Variants in CDK5RAP2 observed in about 807,000 individuals in gnomAD.
The protein encoded by CDK5RAP2 is CDK5 regulatory subunit-associated protein 2.
CDK5RAP2 carries 147 observed loss-of-function variants against 232.9 expected under a neutral mutation model. The observed-to-expected ratio is 0.63, with a 90% CI of 0.55 to 0.72. The LOEUF (loss-of-function observed/expected upper bound fraction) is 0.72. Among genes scored for constraint, CDK5RAP2 ranks in the 30% least tolerant of loss-of-function variants. The pLI is 0.00. For missense variants in CDK5RAP2, 2,195 were observed against 2,231.5 expected (o/e 0.98, Z 0.33); for synonymous variants, 833 against 833.7 (o/e 1.00, Z 0.01).
intron 5 of CDK5RAP2, among the ~76,000 whole-genome samples, chr9:120,540,850 T>TGAG (rs1485224127): frequency 6.6e-6 from 1 of 152,240 alleles, no homozygotes; most frequent in Non-Finnish European, 1.5e-5. Context: ...CACACAGCAC[T>TGAG]GGCTCCTGCT....
At chr9:120,460,870 C>G in intron 18 of CDK5RAP2, 2 of 753,568 alleles carry the variant, frequency 2.7e-6, no homozygotes, top group Admixed American at 5.4e-5. Flanking sequence ...ACACAGCTGC[C>G]TGGATCAAGC....
chr9:120,518,206 T>TGAGACA (rs1168760869), intron 12 of CDK5RAP2, among the ~76,000 whole-genome samples: 1 of 108,934 alleles, frequency 9.2e-6, no homozygotes, highest in African/African-American at 3.9e-5. Flanking sequence ...TGTGTGTGTG[T>TGAGACA]GTGTGAGAGA....
chr9:120,474,609 G>A (rs890273316), intron 15 of CDK5RAP2, among the ~76,000 whole-genome samples: 2 of 152,184 alleles, frequency 1.3e-5, no homozygotes, highest in Non-Finnish European at 2.9e-5. Flanking sequence ...GAGCCAAGAC[G>A]ACCTAAGCAC....
chr9:120,411,420 T>A lies in CDK5RAP2; in HGVS notation c.4352A>T (p.Glu1451Val). 6.2e-7 allele frequency: 1 copy of A among 1,613,750 alleles called. No individual in the cohort carries two copies. The highest frequency in any genetic ancestry group is 8.5e-7 in the Non-Finnish European group (1 of 1,179,656). The change falls in exon 29 of 38, where the codon GAA (glutamate) becomes GTA (valine). Residue 1451 changes from glutamate to valine, a missense_variant. Glu to Val is a moderately radical substitution (Grantham distance 121, BLOSUM62 -2). Coordinates refer to ENST00000349780, the MANE Select transcript of CDK5RAP2 (RefSeq NM_018249.6). The stretch of plus-strand genomic sequence containing the variant: ...GTTCTGCTTCCTCAAGAAATGAATT[T>A]CTGATGTTAGAGAACTATGAAGCTC... ...GSELHSSLTS[E>V]IHFLRKQNQA...
At chr9:120,571,153 G>A (rs1195053956) in intron 2 of CDK5RAP2, among the ~76,000 whole-genome samples, 1 of 152,180 alleles carries the variant, frequency 6.6e-6, no homozygotes. Context: ...ACAAGACCAT[G>A]TCTCAAAAAA....
At chr9:120,477,269 T>C (rs1293693936) in intron 15 of CDK5RAP2, 81 bp downstream of exon 15, 7 of 1,040,860 alleles carry the variant, frequency 6.7e-6, no homozygotes, top group Non-Finnish European at 1.1e-5. Context: ...TCAGCACTGA[T>C]TGAAAGGGTG....
intron 4 of CDK5RAP2, among the ~76,000 whole-genome samples, chr9:120,546,803 G>A (rs559803330): frequency 1.1e-4 from 16 of 151,752 alleles, no homozygotes; most frequent in African/African-American, 2.7e-4. Flanking sequence ...CCGTCTTTTC[G>A]TTTGTTTGTT....
chr9:120,557,758 CA>C (rs1211251661), intron 3 of CDK5RAP2, among the ~76,000 whole-genome samples: 1 of 129,630 alleles, frequency 7.7e-6, no homozygotes. Context: ...GACCCTCTGT[CA>C]AAAAAAAACT....
At chr9:120,556,259 A>C (rs575398455) in intron 3 of CDK5RAP2, among the ~76,000 whole-genome samples, 18 of 152,334 alleles carry the variant, frequency 1.2e-4, no homozygotes, top group Admixed American at 6.5e-4. Context: ...TATTTTATGT[A>C]AATTATATCT....
At chr9:120,502,975 T>C (rs957101919) in intron 12 of CDK5RAP2, among the ~76,000 whole-genome samples, 1 of 152,176 alleles carries the variant, frequency 6.6e-6, no homozygotes, top group Admixed American at 6.5e-5. Flanking sequence ...GTATTATTAG[T>C]CCTGTTTTTA....
chr9:120,563,319 G>A (rs1017535827), intron 3 of CDK5RAP2, among the ~76,000 whole-genome samples: 6 of 152,154 alleles, frequency 3.9e-5, no homozygotes, highest in African/African-American at 1.4e-4. Context: ...GGAATATGCT[G>A]AGTTCAGAAA....
At chr9:120,471,704 C>T (rs370974135) in intron 16 of CDK5RAP2, 44 bp downstream of exon 16, 50 of 1,613,494 alleles carry the variant, frequency 3.1e-5, no homozygotes, top group Non-Finnish European at 4.0e-5. Context: ...CCATGCCCTC[C>T]AAGTGGAAAA....
chr9:120,416,865 A>G (rs983088901), intron 27 of CDK5RAP2, among the ~76,000 whole-genome samples: 4 of 152,260 alleles, frequency 2.6e-5, no homozygotes, highest in Non-Finnish European at 5.9e-5. Flanking sequence ...CTTTCATTTA[A>G]AAGTAGCACA....
intron 12 of CDK5RAP2, among the ~76,000 whole-genome samples, chr9:120,496,656 C>T (rs1236599353): frequency 1.3e-4 from 19 of 142,842 alleles, no homozygotes; most frequent in African/African-American, 5.1e-4. Flanking sequence ...AGCCCCTCTG[C>T]CCGGCCAGCC....
chr9:120,576,095 G>A (rs997065896), intron 1 of CDK5RAP2, among the ~76,000 whole-genome samples: 1 of 152,074 alleles, frequency 6.6e-6, no homozygotes, highest in Non-Finnish European at 1.5e-5. Context: ...AGCTACCAAC[G>A]GGCCACAGTC....
At chr9:120,488,081 C>T (rs1324915464) in intron 13 of CDK5RAP2, among the ~76,000 whole-genome samples, 1 of 152,132 alleles carries the variant, frequency 6.6e-6, no homozygotes, top group East Asian at 1.9e-4. Flanking sequence ...GACCGGAGAC[C>T]ATATCTCTAG....
intron 12 of CDK5RAP2, among the ~76,000 whole-genome samples, chr9:120,516,371 TGGGGGGA>T (rs1564324959): frequency 2.7e-5 from 1 of 37,552 alleles, no homozygotes; most frequent in African/African-American, 1.1e-4. Context: ...TGTTGTGGGG[TGGGGGGA>T]GGGGGGAGGG....
chr9:120,436,684 G>C (rs1435839081), intron 25 of CDK5RAP2, among the ~76,000 whole-genome samples: 8 of 152,088 alleles, frequency 5.3e-5, no homozygotes, highest in Non-Finnish European at 1.2e-4. Flanking sequence ...TGTACAGACA[G>C]GGAAAGATAA....
intron 12 of CDK5RAP2, among the ~76,000 whole-genome samples, chr9:120,517,064 A>G (rs2040370443): frequency 1.3e-5 from 2 of 152,202 alleles, no homozygotes. Flanking sequence ...AGCCTACACC[A>G]TGAGATGGTG....
Sources: allele counts gnomAD v4.1 joint callset (sites outside exome capture counted in the v4.1 genomes callset), GRCh38; gene constraint gnomAD v4.1.1; transcripts MANE v1.5; gene names NCBI Gene and HGNC (gene_info 2026-07-23, HGNC 2026-07-21).